The following BRD10 variants were observed in gnomAD, a reference collection of about 807,000 sequenced individuals.
BRD10 encodes the protein bromodomain containing 10.
At chr9:5,936,249 G>C in the BRD10 span, among the ~76,000 whole-genome samples, 1 of 152,124 alleles carries the variant, frequency 6.6e-6, no homozygotes, top group Non-Finnish European at 1.5e-5. Flanking sequence ...CCAGCTACTG[G>C]GGAGGCTGAG....
At chr9:5,920,962 A>G in the BRD10 span, 2 of 1,613,836 alleles carry the variant, frequency 1.2e-6, no homozygotes, top group African/African-American at 2.7e-5. Flanking sequence ...CTAAAACAGG[A>G]GGTTGTGCCC....
chr9:5,912,582 A>G, the BRD10 span, among the ~76,000 whole-genome samples: 1 of 152,142 alleles, frequency 6.6e-6, no homozygotes, highest in African/African-American at 2.4e-5. Context: ...AACAGCCTGG[A>G]CTGACTTAAC....
the BRD10 span, among the ~76,000 whole-genome samples, chr9:5,973,969 G>T: frequency 6.6e-6 from 1 of 152,170 alleles, no homozygotes. Flanking sequence ...AGGTAATGGT[G>T]ATGGTGATAG....
chr9:5,950,655 C>G, the BRD10 span, among the ~76,000 whole-genome samples: 1 of 152,056 alleles, frequency 6.6e-6, no homozygotes, highest in Non-Finnish European at 1.5e-5. Flanking sequence ...ACTGACATAA[C>G]TCTTAGGAAA....
At chr9:5,968,739 G>C in the BRD10 span, 2 of 1,613,726 alleles carry the variant, frequency 1.2e-6, no homozygotes, top group African/African-American at 1.3e-5. Flanking sequence ...ATTTTAATGG[G>C]TGGAATTGGA....
chr9:5,994,610 T>A, the BRD10 span, among the ~76,000 whole-genome samples: 1 of 152,200 alleles, frequency 6.6e-6, no homozygotes, highest in South Asian at 2.1e-4. Flanking sequence ...TTTTAGCTAT[T>A]CACATAGATA....
At chr9:5,981,255 G>T in the BRD10 span, among the ~76,000 whole-genome samples, 1 of 152,220 alleles carries the variant, frequency 6.6e-6, no homozygotes, top group Non-Finnish European at 1.5e-5. Flanking sequence ...TCCTCATGAG[G>T]TTGCCTTGGG....
chr9:5,980,565 G>A, the BRD10 span, among the ~76,000 whole-genome samples: 2 of 151,836 alleles, frequency 1.3e-5, no homozygotes, highest in African/African-American at 4.8e-5. Flanking sequence ...TCCTTTAAAT[G>A]GAATAGGTAA....
chr9:5,891,856 G>A, the BRD10 span, among the ~76,000 whole-genome samples: 1 of 152,236 alleles, frequency 6.6e-6, no homozygotes, highest in Non-Finnish European at 1.5e-5. Flanking sequence ...GGGACAGGCT[G>A]AAGCCCCTGT....
At chr9:5,908,808 A>G in the BRD10 span, 6 of 1,171,234 alleles carry the variant, frequency 5.1e-6, no homozygotes, top group East Asian at 1.4e-4. Flanking sequence ...ATGGTGTAGG[A>G]AAAATGCAAG....
the BRD10 span, among the ~76,000 whole-genome samples, chr9:6,003,373 C>T: frequency 8.6e-5 from 13 of 152,014 alleles, no homozygotes; most frequent in Non-Finnish European, 1.2e-4. Flanking sequence ...TAATATTTGA[C>T]GTTCTCTAAA....
the BRD10 span, among the ~76,000 whole-genome samples, chr9:5,996,305 T>A: frequency 3.1e-5 from 1 of 31,972 alleles, no homozygotes. Context: ...CCATGTAACT[T>A]GGTTTTTTTT....
the BRD10 span, among the ~76,000 whole-genome samples, chr9:5,885,655 G>T: frequency 6.6e-6 from 1 of 152,178 alleles, no homozygotes; most frequent in Admixed American, 6.5e-5. Context: ...TTACAGGCAT[G>T]AGCCACCGCA....
the BRD10 span, chr9:6,007,561 G>T: frequency 6.2e-7 from 1 of 1,612,750 alleles, no homozygotes; most frequent in Non-Finnish European, 8.5e-7. Flanking sequence ...TAGCTCGTAG[G>T]TCAGCTCCTG....
At chr9:5,968,415 T>C in the BRD10 span, 1 of 1,612,824 alleles carries the variant, frequency 6.2e-7, no homozygotes, top group Non-Finnish European at 8.5e-7. Context: ...TCACCTGGAC[T>C]AAGAGGCTCT....
the BRD10 span, among the ~76,000 whole-genome samples, chr9:5,949,334 G>A: frequency 2.6e-5 from 4 of 152,098 alleles, no homozygotes; most frequent in South Asian, 8.3e-4. Context: ...ACTCCAGTCT[G>A]GCGGCAGAGC....
the BRD10 span, chr9:5,922,642 T>C: frequency 6.2e-7 from 1 of 1,613,998 alleles, no homozygotes; most frequent in South Asian, 1.1e-5. Flanking sequence ...TTGCAACTGC[T>C]TTTCCTTCTT....
chr9:5,908,721 C>A, the BRD10 span: 1 of 1,607,202 alleles, frequency 6.2e-7, no homozygotes, highest in Non-Finnish European at 8.5e-7. Flanking sequence ...GCCAGCGAGA[C>A]ACCTGAGACA....
the BRD10 span, among the ~76,000 whole-genome samples, chr9:5,994,687 T>C: frequency 3.3e-5 from 5 of 152,162 alleles, no homozygotes; most frequent in African/African-American, 4.8e-5. Context: ...TATATTTCTG[T>C]CTCAGGCATG....
Sources: allele counts gnomAD v4.1 joint callset (sites outside exome capture counted in the v4.1 genomes callset), GRCh38; gene constraint gnomAD v4.1.1; transcripts MANE v1.5; gene names NCBI Gene and HGNC (gene_info 2026-07-23, HGNC 2026-07-21).